The following PINX1 variants were observed in gnomAD, a reference collection of about 807,000 sequenced individuals.
PINX1 encodes the protein PIN2 (TERF1) interacting telomerase inhibitor 1.
PINX1 carries 34 observed loss-of-function variants against 25.4 expected under a neutral mutation model. The observed-to-expected ratio is 1.34, with a 90% CI of 1.02 to 1.78. PINX1 has a LOEUF of 1.78. Among genes scored for constraint, PINX1 ranks in the 40% most tolerant of loss-of-function variants. PINX1 has a pLI of 0.00. For synonymous variants in PINX1, 197 were observed against 147.7 expected, an observed-to-expected ratio of 1.33 and a Z score of -2.42; for missense variants, 592 against 404.9, an observed-to-expected ratio of 1.46 and a Z score of -3.97.
chr8:10,802,357 G>C (rs1563219231), intron 6 of PINX1, among the ~76,000 whole-genome samples: 1 of 152,064 alleles, frequency 6.6e-6, no homozygotes, highest in Non-Finnish European at 1.5e-5. Flanking sequence ...CATTCCCTTG[G>C]AGCACTTCAC....
At chr8:10,800,941 C>A (rs1340592036) in intron 6 of PINX1, among the ~76,000 whole-genome samples, 5 of 152,192 alleles carry the variant, frequency 3.3e-5, no homozygotes, top group Non-Finnish European at 5.9e-5. Context: ...CTCCTTTCTG[C>A]AAGATGGACA....
intron 6 of PINX1, among the ~76,000 whole-genome samples, chr8:10,796,976 ACT>A (rs767480188): frequency 1.3e-5 from 2 of 151,864 alleles, no homozygotes; most frequent in Non-Finnish European, 2.9e-5. Context: ...ATTTTGGGAA[ACT>A]CTGCCCTACA....
intron 6 of PINX1, among the ~76,000 whole-genome samples, chr8:10,794,033 T>C (rs1802006799): frequency 6.6e-6 from 1 of 152,254 alleles, no homozygotes; most frequent in African/African-American, 2.4e-5. Flanking sequence ...CAGGAATGTT[T>C]TTAAATTTGA....
At chr8:10,832,764 A>C (rs1385544126) in intron 3 of PINX1, 128 bp downstream of exon 3, 6 of 576,062 alleles carry the variant, frequency 1.0e-5, no homozygotes, top group Non-Finnish European at 1.9e-5. Context: ...GTCAGTGTTC[A>C]AGAGGAAACG....
rs749063684 is a variant in PINX1, at chr8:10,834,650, C to A, written c.129+16G>T. On this transcript the variant is annotated intron_variant, in intron 2 of 6. Transcript: ENST00000314787. ...TTTTCATAGCTCAGATTTTTTTCCG[C>A]TTTTCTCCAAAATACCTTTCCTTTA... 1.2e-6 allele frequency: 2 copies of A among 1,609,238 alleles called. No homozygotes were observed. Among genetic ancestry groups the A allele is most frequent in the South Asian group, 1.1e-5 (1 of 89,652 alleles).
chr8:10,808,101 A>G lies in PINX1; in HGVS notation c.471+12092T>C, dbSNP rs116789449. Reference sequence around the variant, plus strand: ...ACAGGAAATGTTATTATTGTACACTATTTGGCTTAGCAGGGTACGATATTT... The same window carrying G: ...ACAGGAAATGTTATTATTGTACACTGTTTGGCTTAGCAGGGTACGATATTT... On this transcript the variant is annotated intron_variant, in intron 6 of 6. Transcript: ENST00000314787. Among the ~76,000 whole-genome samples the G allele has an allele frequency of 2.3e-3, 345 of 152,366 alleles. 2 individuals are homozygous for G. The highest frequency in any genetic ancestry group is 7.9e-3 in the African/African-American group (327 of 41,586).
chr8:10,791,249 A>G (rs181904960), intron 6 of PINX1, among the ~76,000 whole-genome samples: 85 of 152,222 alleles, frequency 5.6e-4, no homozygotes, highest in African/African-American at 2.0e-3. Context: ...TTATTTTTCA[A>G]CACCCACCAG....
intron 6 of PINX1, among the ~76,000 whole-genome samples, chr8:10,798,442 G>A (rs1563217034): frequency 1.3e-5 from 2 of 152,168 alleles, no homozygotes; most frequent in Non-Finnish European, 2.9e-5. Flanking sequence ...CATGATTTCA[G>A]AAGTCAATAT....
chr8:10,816,955 A>C (rs1307967854), intron 6 of PINX1, among the ~76,000 whole-genome samples: 1 of 152,192 alleles, frequency 6.6e-6, no homozygotes, highest in African/African-American at 2.4e-5. Flanking sequence ...GTGAGGATGA[A>C]ATGAGAAAAA....
chr8:10,791,938 C>T (rs1312659092), intron 6 of PINX1, among the ~76,000 whole-genome samples: 2 of 152,190 alleles, frequency 1.3e-5, no homozygotes, highest in African/African-American at 2.4e-5. Context: ...GGACAACATG[C>T]CCCATCTCAG....
intron 6 of PINX1, among the ~76,000 whole-genome samples, chr8:10,782,977 T>C (rs1421614907): frequency 6.6e-6 from 1 of 152,116 alleles, no homozygotes; most frequent in Non-Finnish European, 1.5e-5. Flanking sequence ...CTCAGAGTAA[T>C]CTACTAATAA....
intron 1 of PINX1, among the ~76,000 whole-genome samples, chr8:10,839,288 C>T (rs1798497795): frequency 6.6e-6 from 1 of 152,226 alleles, no homozygotes; most frequent in Non-Finnish European, 1.5e-5. Flanking sequence ...ACTTCTAACT[C>T]CTTTGCTTTT....
chr8:10,768,877 T>G (rs968866174), intron 6 of PINX1, among the ~76,000 whole-genome samples: 1 of 152,332 alleles, frequency 6.6e-6, no homozygotes, highest in Middle Eastern at 3.4e-3. Context: ...CTTTTACATC[T>G]GGTCTCTATC....
intron 6 of PINX1, among the ~76,000 whole-genome samples, chr8:10,793,993 T>C (rs1802005537): frequency 6.6e-6 from 1 of 152,222 alleles, no homozygotes; most frequent in African/African-American, 2.4e-5. Context: ...AACATAGCAT[T>C]TGTGTGAGAA....
intron 1 of PINX1, among the ~76,000 whole-genome samples, chr8:10,836,364 G>A (rs182401919): frequency 1.9e-4 from 29 of 152,106 alleles, no homozygotes; most frequent in African/African-American, 4.8e-4. Context: ...ATAACACTGC[G>A]TCTGCTAATG....
At chr8:10,781,606 C>G (rs1801588405) in intron 6 of PINX1, among the ~76,000 whole-genome samples, 1 of 152,124 alleles carries the variant, frequency 6.6e-6, no homozygotes, top group Non-Finnish European at 1.5e-5. Context: ...CACTAACCAT[C>G]AAGGAAATGT....
At chr8:10,815,268 G>C (rs1027884611) in intron 6 of PINX1, among the ~76,000 whole-genome samples, 2 of 152,200 alleles carry the variant, frequency 1.3e-5, no homozygotes, top group Non-Finnish European at 2.9e-5. Flanking sequence ...GACGCAAAAA[G>C]GTCAGAGAGA....
intron 6 of PINX1, among the ~76,000 whole-genome samples, chr8:10,819,038 C>G (rs1214807237): frequency 6.6e-6 from 1 of 152,218 alleles, no homozygotes; most frequent in Non-Finnish European, 1.5e-5. Context: ...GGCCGGATGT[C>G]AGAGCGGCTC....
At chr8:10,807,882 G>T (rs1563222620) in intron 6 of PINX1, among the ~76,000 whole-genome samples, 3 of 152,192 alleles carry the variant, frequency 2.0e-5, no homozygotes, top group African/African-American at 7.2e-5. Flanking sequence ...ACCTAGTCCT[G>T]AGGGAGCCGG....
Sources: allele counts gnomAD v4.1 joint callset (sites outside exome capture counted in the v4.1 genomes callset), GRCh38; gene constraint gnomAD v4.1.1; transcripts MANE v1.5; gene names NCBI Gene and HGNC (gene_info 2026-07-23, HGNC 2026-07-21).